The following SERPINB8 variants were observed in gnomAD, a reference collection of about 807,000 sequenced individuals.
The protein encoded by SERPINB8 is serpin family B member 8.
Under a neutral mutation model 35.3 loss-of-function variants are expected in SERPINB8, and 25 were observed. The observed-to-expected ratio is 0.71, with a 90% CI of 0.52 to 0.99. The LOEUF is 0.99. Ranked by LOEUF, SERPINB8 falls within the 50% of genes least tolerant of loss-of-function variation. The probability of loss-of-function intolerance (pLI) is 0.00; values close to 1 mark genes in which losing one functional copy is unlikely to be tolerated. For missense variants in SERPINB8, 484 were observed against 446.5 expected, an observed-to-expected ratio of 1.08 and a Z score of -0.76; for synonymous variants, 186 against 160.8, an observed-to-expected ratio of 1.16 and a Z score of -1.19.
chr18:63,979,833 C>T lies in SERPINB8; in HGVS notation c.201C>T (p.His67=), dbSNP rs2050642693. 2 of 1,613,966 alleles carry T rather than the reference C, an allele frequency of 1.2e-6. No homozygotes were observed. Among genetic ancestry groups the T allele is most frequent in the African/African-American group, 1.3e-5 (1 of 74,910 alleles). ...GTTTATACAAAGACGGAGATATTCACCGAGGTTTCCAGTCACTTCTCAGTG... is the reference window on the plus strand; with the variant it reads ...GTTTATACAAAGACGGAGATATTCATCGAGGTTTCCAGTCACTTCTCAGTG... The part of the protein sequence containing the change: ...ALCLYKDGDI[H]RGFQSLLSEV... The change falls in exon 3 of 7, where the codon CAC becomes CAT. Residue 67 remains histidine (H), a synonymous_variant. Transcript: ENST00000397985.
chr18:63,980,055 A>T, intron 3 of SERPINB8, 117 bp downstream of exon 3: 1 of 1,007,256 alleles, frequency 9.9e-7, no homozygotes, highest in Non-Finnish European at 1.5e-6. Context: ...ACACTTCTGA[A>T]ATTACAATTT....
intron 7 of SERPINB8, among the ~76,000 whole-genome samples, chr18:64,011,470 A>G (rs575657475): frequency 6.6e-6 from 1 of 152,296 alleles, no homozygotes; most frequent in Non-Finnish European, 1.5e-5. Context: ...AAAGCTGAAT[A>G]TTCCACTGTG....
intron 5 of SERPINB8, among the ~76,000 whole-genome samples, chr18:63,984,593 G>C (rs980961660): frequency 2.0e-5 from 3 of 152,172 alleles, no homozygotes; most frequent in Admixed American, 6.5e-5. Flanking sequence ...TTTGATGCAG[G>C]CTTTAAAAAC....
intron 1 of SERPINB8, among the ~76,000 whole-genome samples, chr18:63,974,474 G>T (rs1370313298): frequency 1.3e-5 from 2 of 152,228 alleles, no homozygotes; most frequent in Non-Finnish European, 2.9e-5. Context: ...TGCTTTTGAG[G>T]CTGACTCTCA....
rs1568276110 is a variant in SERPINB8 at position 63,985,158 on chromosome 18, A to G, written c.633A>G (p.Val211=). ...TTAAAATGGGGTATGCGGATGAGGT[A>G]CACACCCAGGTCCTGGAGCTGCCCT... ...AKFKMGYADE[V]HTQVLELPYV... Residue 211 remains valine, a synonymous_variant, in exon 6 of 7, where the codon GTA becomes GTG. Coordinates refer to ENST00000397985, the MANE Select transcript of SERPINB8 (RefSeq NM_002640.4). 6.2e-7 allele frequency: 1 copy of G among 1,614,164 alleles called. No homozygotes were observed. The highest frequency in any genetic ancestry group is 1.7e-5 in the Admixed American group (1 of 60,026).
chr18:63,993,104 G>A (rs540161197), downstream of SERPINB8, among the ~76,000 whole-genome samples: 21 of 152,088 alleles, frequency 1.4e-4, no homozygotes, highest in Admixed American at 3.3e-4. Context: ...TCCCTTTGCT[G>A]GCTCTCTACA....
downstream of SERPINB8, among the ~76,000 whole-genome samples, chr18:63,991,761 C>G (rs1047155180): frequency 6.6e-6 from 1 of 151,976 alleles, no homozygotes; most frequent in Non-Finnish European, 1.5e-5. Context: ...GGGGAAAGCA[C>G]GAAGGCTCCC....
intron 1 of SERPINB8, among the ~76,000 whole-genome samples, chr18:64,002,849 C>T (rs1218387240): frequency 3.3e-5 from 5 of 152,104 alleles, no homozygotes; most frequent in East Asian, 3.9e-4. Context: ...CAGTCGCCGC[C>T]GTCTGTGGTC....
intron 1 of SERPINB8, among the ~76,000 whole-genome samples, chr18:63,971,691 A>T (rs2050483951): frequency 6.6e-6 from 1 of 152,146 alleles, no homozygotes; most frequent in Admixed American, 6.5e-5. Flanking sequence ...GCCTCTTTTC[A>T]TACCAAATAC....
intron 1 of SERPINB8, 35 bp from the exon 2 acceptor site, chr18:63,978,264 C>A: frequency 6.2e-7 from 1 of 1,612,688 alleles, no homozygotes; most frequent in Non-Finnish European, 8.5e-7. Flanking sequence ...GAGTCATTGG[C>A]TTATGTGCTT....
At chr18:64,006,253 A>G (rs775385950), downstream of SERPINB8, among the ~76,000 whole-genome samples, 1 of 152,222 alleles carries the variant, frequency 6.6e-6, no homozygotes, top group Non-Finnish European at 1.5e-5. Flanking sequence ...GGGAAAGTTA[A>G]GGCTGCCTTA....
chr18:63,978,422 C>T lies in SERPINB8; in HGVS notation c.114C>T (p.Ala38=). Residue 38 remains alanine, a synonymous_variant, in exon 2 of 7, where the codon GCC becomes GCT. Transcript: ENST00000397985. Reference sequence around the variant, plus strand: ...TCTCTCCCATGAGCATCTCCTCTGCCCTGGCCATGGTCTTCATGGGGGCAA... The same window carrying T: ...TCTCTCCCATGAGCATCTCCTCTGCTCTGGCCATGGTCTTCATGGGGGCAA... ...VFFSPMSISS[A]LAMVFMGAKG... is the part of the protein sequence containing the mutation. 6.2e-7 allele frequency: 1 copy of T among 1,614,158 alleles called. No homozygotes were observed. Among genetic ancestry groups the T allele is most frequent in the South Asian group, 1.1e-5 (1 of 91,088 alleles).
downstream of SERPINB8, among the ~76,000 whole-genome samples, chr18:64,009,913 A>G (rs946773291): frequency 1.3e-5 from 2 of 152,210 alleles, no homozygotes; most frequent in Admixed American, 1.3e-4. Flanking sequence ...CAAAACAATA[A>G]GAGGAAACAA....
chr18:63,995,507 G>T (rs541704738), intron 1 of SERPINB8, among the ~76,000 whole-genome samples: 1 of 152,298 alleles, frequency 6.6e-6, no homozygotes, highest in African/African-American at 2.4e-5. Flanking sequence ...GCCCCTAGAG[G>T]CCTTTACGTT....
chr18:63,970,081 A>G lies in SERPINB8; in HGVS notation c.-100A>G. The G allele has an allele frequency of 3.7e-6, 1 of 267,738 alleles. No individual in the cohort carries two copies. Among genetic ancestry groups the G allele is most frequent in the South Asian group, 3.4e-5 (1 of 29,620 alleles). The allele number at this position is 267,738 out of a possible 1,614,324, so 16.6% of individuals were successfully genotyped here. On this transcript the variant is annotated 5_prime_UTR_variant, in exon 1 of 7. Coordinates refer to ENST00000397985, the MANE Select transcript of SERPINB8 (RefSeq NM_002640.4). ...GTCATCTGCCGGAAGCCTTGCCCTC[A>G]ATCAAGGCGGACGTGAAGCATCTAC...
chr18:64,017,763 A>G (rs559494866), intron 7 of SERPINB8, among the ~76,000 whole-genome samples: 1 of 152,320 alleles, frequency 6.6e-6, no homozygotes, highest in South Asian at 2.1e-4. Flanking sequence ...AGAGTGCTGA[A>G]TCACATTGCA....
chr18:64,011,998 G>A (rs933880598), intron 7 of SERPINB8, among the ~76,000 whole-genome samples: 2 of 152,104 alleles, frequency 1.3e-5, no homozygotes, highest in African/African-American at 4.8e-5. Flanking sequence ...TAATGCCCAT[G>A]TCCTAAAGTT....
At chr18:63,989,965 A>C (rs905682035), downstream of SERPINB8, among the ~76,000 whole-genome samples, 1 of 149,330 alleles carries the variant, frequency 6.7e-6, no homozygotes, top group African/African-American at 2.4e-5. Flanking sequence ...AAAAAAAAAA[A>C]AAAACCAAAA....
chr18:64,013,517 T>A (rs1341459332), intron 7 of SERPINB8, among the ~76,000 whole-genome samples: 1 of 152,222 alleles, frequency 6.6e-6, no homozygotes, highest in Non-Finnish European at 1.5e-5. Context: ...TAATTTCACA[T>A]GCCAACAGAT....
Sources: allele counts gnomAD v4.1 joint callset (sites outside exome capture counted in the v4.1 genomes callset), GRCh38; gene constraint gnomAD v4.1.1; transcripts MANE v1.5; gene names NCBI Gene and HGNC (gene_info 2026-07-23, HGNC 2026-07-21).